Variants in KCNMA1 observed in about 807,000 individuals in gnomAD.
KCNMA1 encodes the protein Calcium-activated potassium channel subunit alpha-1.
In KCNMA1, 29 loss-of-function variants were observed where a neutral mutation model predicts 140.0. That is an observed-to-expected ratio of 0.21 (90% confidence interval 0.15 to 0.28). The LOEUF (loss-of-function observed/expected upper bound fraction) is 0.28. Among genes scored for constraint, KCNMA1 ranks in the 10% least tolerant of loss-of-function variants. The pLI is 1.00. For missense variants in KCNMA1, 880 were observed against 1,602.2 expected (o/e 0.55, Z 7.70); for synonymous variants, 612 against 611.9 (o/e 1.00, Z 0.00).
intron 1 of KCNMA1, among the ~76,000 whole-genome samples, chr10:77,434,843 T>C (rs548261571): frequency 1.3e-5 from 2 of 152,316 alleles, no homozygotes; most frequent in East Asian, 3.9e-4. Flanking sequence ...GGATCAGTGC[T>C]TCTTAAATGT....
intron 2 of KCNMA1, among the ~76,000 whole-genome samples, chr10:77,393,894 C>T (rs1166519608): frequency 1.3e-5 from 2 of 152,234 alleles, no homozygotes; most frequent in East Asian, 1.9e-4. Flanking sequence ...AAGACAGGAC[C>T]GGCAGAAGCA....
chr10:77,636,576 G>C lies in KCNMA1; in HGVS notation c.378+689C>G, dbSNP rs980582899. On this transcript the variant is annotated intron_variant, in intron 1 of 27. Transcript: ENST00000286628. ...GTATGTTCCACTAGAGCACCTAAGG[G>C]ACGGAGTGGGAGGTTACATCAGATA... The C allele has an allele frequency of 2.6e-6, 4 of 1,536,066 alleles. No homozygotes were observed. The African/African-American group carries it at 5.5e-5, about 21-fold the overall frequency.
At chr10:76,995,589 G>A (rs749544709) in intron 19 of KCNMA1, 1 of 471,020 alleles carries the variant, frequency 2.1e-6, no homozygotes, top group South Asian at 1.5e-5. Context: ...CTGAGATAGT[G>A]GAGGAGGATG....
intron 14 of KCNMA1, among the ~76,000 whole-genome samples, chr10:77,069,372 A>G (rs2096093894): frequency 6.6e-6 from 1 of 152,202 alleles, no homozygotes; most frequent in African/African-American, 2.4e-5. Flanking sequence ...TGTCCTTAAC[A>G]GCAGCTGCTG....
intron 1 of KCNMA1, among the ~76,000 whole-genome samples, chr10:77,619,310 GTCTGTCTC>G (rs1429590735): frequency 1.1e-5 from 1 of 91,474 alleles, no homozygotes; most frequent in Non-Finnish European, 2.1e-5. Flanking sequence ...CTCTCTGTCT[GTCTGTCTC>G]TCTCTCTCTC....
chr10:77,037,097 G>C (rs2094386868), intron 15 of KCNMA1, among the ~76,000 whole-genome samples: 1 of 152,142 alleles, frequency 6.6e-6, no homozygotes, highest in Non-Finnish European at 1.5e-5. Context: ...CTTGGGACAT[G>C]TTCTAAATAC....
chr10:76,998,306 C>T (rs1472335873), intron 19 of KCNMA1, among the ~76,000 whole-genome samples: 1 of 152,064 alleles, frequency 6.6e-6, no homozygotes, highest in East Asian at 1.9e-4. Flanking sequence ...TTTAACATCC[C>T]TTGAAAACGG....
intron 2 of KCNMA1, chr10:77,314,191 G>C (rs187105940): frequency 1.6e-4 from 25 of 152,266 alleles, no homozygotes; most frequent in African/African-American, 6.0e-4. Context: ...AGTGTCTTAA[G>C]GCCAAAAGCC....
chr10:76,911,658 A>T lies in KCNMA1; in HGVS notation c.3017-1562T>A, dbSNP rs376639343. ...AGCTGCTGTCATGATCTCCCTTCTGACATTAAATACCTGTCCACCCATTAT... is the reference window on the plus strand; with the variant it reads ...AGCTGCTGTCATGATCTCCCTTCTGTCATTAAATACCTGTCCACCCATTAT... On this transcript the variant is annotated intron_variant, in intron 24 of 27. Coordinates refer to ENST00000286628, the MANE Select transcript of KCNMA1 (RefSeq NM_001161352.2). 7 of 152,278 alleles carry T rather than the reference A, an allele frequency of 4.6e-5. No homozygotes were observed. In the East Asian group the frequency reaches 9.7e-4, roughly 21 times the overall value. 9.4% of individuals were successfully genotyped at this position (152,278 alleles called of 1,614,324 possible). A position where few individuals can be genotyped will look rare whatever the true frequency, so the allele number is the denominator to read the frequency against.
rs570073760 is a variant in KCNMA1, at chr10:76,956,897, C to T, written c.2361-2973G>A. Among the ~76,000 whole-genome samples, 14 of 151,924 alleles carry T rather than the reference C, an allele frequency of 9.2e-5. No homozygotes were observed. In the South Asian group the frequency reaches 1.7e-3, roughly 18 times the overall value. ...CAGCACTTTGGGAGGCCAAGGTGGG[C>T]GGATCATGAGGTCAGGAGATCGTGT... On this transcript the variant is annotated intron_variant, in intron 20 of 27. Transcript: ENST00000286628.
Position 76,984,746 on chromosome 10 carries a change from A to G in KCNMA1, c.2267-14679T>C, listed in dbSNP as rs762952081. ...TATTGTGTGTGTAGTTACCTTTTAAAAACAGTAACATGTATTTAACTTGGA... is the reference window on the plus strand; with the variant it reads ...TATTGTGTGTGTAGTTACCTTTTAAGAACAGTAACATGTATTTAACTTGGA... On this transcript the variant is annotated intron_variant, in intron 19 of 27. Transcript: ENST00000286628. Among the ~76,000 whole-genome samples, 8 of 152,242 alleles carry G rather than the reference A, an allele frequency of 5.3e-5. No homozygotes were observed. The South Asian group carries it at 1.2e-3, about 24-fold the overall frequency.
At chr10:77,530,626 T>C (rs2057368067) in intron 1 of KCNMA1, among the ~76,000 whole-genome samples, 1 of 152,160 alleles carries the variant, frequency 6.6e-6, no homozygotes, top group East Asian at 1.9e-4. Context: ...CTTATACCAA[T>C]GCCCCAAACA....
At chr10:77,283,470 T>C (rs1478800324) in intron 2 of KCNMA1, among the ~76,000 whole-genome samples, 1 of 152,164 alleles carries the variant, frequency 6.6e-6, no homozygotes, top group Admixed American at 6.5e-5. Flanking sequence ...AACAGCTTGA[T>C]AGGGACAGCC....
intron 14 of KCNMA1, among the ~76,000 whole-genome samples, chr10:77,055,984 G>A (rs530265020): frequency 5.3e-5 from 8 of 152,124 alleles, no homozygotes; most frequent in Non-Finnish European, 1.2e-4. Context: ...CCAGTCTGAG[G>A]GCAATATTGG....
rs2063607460 is a variant in KCNMA1, at chr10:76,945,286, T to C, written c.2710-321A>G. 2.0e-5 allele frequency among the ~76,000 whole-genome samples: 3 copies of C among 152,314 alleles called. No homozygotes were observed. The Middle Eastern group carries it at 0.01, about 518-fold the overall frequency. ...AATAATGCCAGGGTTCTACATCTTC[T>C]TCCTGCCTGGAAATTGTCTTGATTT... On this transcript the variant is annotated intron_variant, in intron 22 of 27. Coordinates refer to ENST00000286628, the MANE Select transcript of KCNMA1 (RefSeq NM_001161352.2).
At chr10:76,970,857 T>C (rs994597893) in intron 19 of KCNMA1, 1 of 152,480 alleles carries the variant, frequency 6.6e-6, no homozygotes, top group East Asian at 1.9e-4. Context: ...GCACAGGGGA[T>C]TGGAAACCAA....
chr10:77,050,544 C>T (rs1197143313), intron 14 of KCNMA1, among the ~76,000 whole-genome samples: 2 of 152,170 alleles, frequency 1.3e-5, no homozygotes, highest in East Asian at 3.9e-4. Flanking sequence ...AATATGGAGT[C>T]CAGTGCTATC....
intron 17 of KCNMA1, among the ~76,000 whole-genome samples, chr10:77,012,714 A>G (rs908773906): frequency 6.6e-6 from 1 of 152,182 alleles, no homozygotes; most frequent in East Asian, 1.9e-4. Flanking sequence ...TCTTCTCACT[A>G]TGGAGCAAAG....
chr10:77,152,956 A>G (rs551975809), intron 5 of KCNMA1, among the ~76,000 whole-genome samples: 219 of 152,272 alleles, frequency 1.4e-3, no homozygotes, highest in African/African-American at 5.1e-3. Flanking sequence ...TCATGAGAAC[A>G]TGGAAAATGT....
Sources: gnomAD v4.1 joint callset for allele counts (sites outside exome capture counted in the v4.1 genomes callset) on GRCh38, gnomAD v4.1.1 for gene constraint, MANE v1.5 for transcripts, NCBI Gene and HGNC (gene_info 2026-07-23, HGNC 2026-07-21) for gene names.